The following LRBA variants were observed in gnomAD, a reference collection of about 807,000 sequenced individuals.
LRBA encodes lipopolysaccharide-responsive and beige-like anchor protein.
In LRBA, 176 loss-of-function variants were observed where a neutral mutation model predicts 330.0. The ratio of observed to expected loss-of-function variants is 0.53; its 90% confidence interval spans 0.47 to 0.60. The LOEUF (loss-of-function observed/expected upper bound fraction) is 0.60, where lower values mean the gene tolerates loss of function less well. Among genes scored for constraint, LRBA ranks in the 20% least tolerant of loss-of-function variants. The pLI, the probability that LRBA is intolerant of heterozygous loss-of-function variation, is 0.00. For missense variants in LRBA, 3,259 were observed against 3,444.8 expected (o/e 0.95, Z 1.35); for synonymous variants, 1,230 against 1,193.0 (o/e 1.03, Z -0.64).
intron 43 of LRBA, among the ~76,000 whole-genome samples, chr4:150,470,072 A>G (rs1755904498): frequency 6.6e-6 from 1 of 152,084 alleles, no homozygotes; most frequent in Admixed American, 6.6e-5. Flanking sequence ...AATCCCAGCT[A>G]CTTGGGAGGC....
At chr4:150,775,452 AACACACAC>A (rs200525703) in intron 34 of LRBA, among the ~76,000 whole-genome samples, 2,477 of 33,840 alleles carry the variant, frequency 0.073, 77 homozygotes, top group Admixed American at 0.25. Context: ...TCTGCAATGG[AACACACAC>A]ACACACACAC....
intron 40 of LRBA, among the ~76,000 whole-genome samples, chr4:150,544,776 A>T (rs1376194431): frequency 6.6e-6 from 1 of 152,216 alleles, no homozygotes; most frequent in Non-Finnish European, 1.5e-5. Context: ...GGGCTTACAT[A>T]TATCAAATTA....
Position 150,872,774 on chromosome 4 carries a change from A to G in LRBA, c.2166-19T>C, listed in dbSNP as rs1441669937. The G allele has an allele frequency of 3.9e-6, 5 of 1,292,190 alleles. No individual in the cohort carries two copies. The Admixed American group carries it at 9.5e-5, about 24-fold the overall frequency. The allele number at this position is 1,292,190 out of a possible 1,614,324, so 80.0% of individuals were successfully genotyped here. A position where few individuals can be genotyped will look rare whatever the true frequency, so the allele number is the denominator to read the frequency against. ...GATAACACTGAATGAATAAAAATTT[A>G]AAACAAACTATTTTGAGTATAATTT... On this transcript the variant is annotated intron_variant, in intron 17 of 56. Transcript: ENST00000651943.
chr4:150,265,669 C>A lies in LRBA; in HGVS notation c.*53G>T. 8.9e-7 allele frequency: 1 copy of A among 1,118,856 alleles called. No homozygotes were observed. Among genetic ancestry groups the A allele is most frequent in the Non-Finnish European group, 1.4e-6 (1 of 728,730 alleles). 69.3% of individuals were successfully genotyped at this position (1,118,856 alleles called of 1,614,324 possible). A position where few individuals can be genotyped will look rare whatever the true frequency, so the allele number is the denominator to read the frequency against. On this transcript the variant is annotated 3_prime_UTR_variant, in exon 57 of 57. Transcript: ENST00000651943. ...TCAGATGTGGTAGAAGAGAATGATG[C>A]TCCAGGTACTTCTGCTCATCCTAGG...
chr4:150,371,182 ATTTTTTTTTTTTTT>A (rs70937395), intron 47 of LRBA, among the ~76,000 whole-genome samples: 16 of 91,926 alleles, frequency 1.7e-4, no homozygotes, highest in African/African-American at 6.2e-4. Context: ...AAGCTACTAA[ATTTTTTTTTTTTTT>A]TTTTTTTTTT....
At chr4:150,389,007 T>C (rs1743487472) in intron 47 of LRBA, among the ~76,000 whole-genome samples, 1 of 152,100 alleles carries the variant, frequency 6.6e-6, no homozygotes, top group African/African-American at 2.4e-5. Flanking sequence ...TGTGACACTA[T>C]AATTATTGAA....
intron 2 of LRBA, among the ~76,000 whole-genome samples, chr4:150,966,678 T>C (rs1738941202): frequency 6.6e-6 from 1 of 152,152 alleles, no homozygotes; most frequent in African/African-American, 2.4e-5. Context: ...CAGGATGCTT[T>C]CTAGATAATT....
intron 42 of LRBA, among the ~76,000 whole-genome samples, chr4:150,473,608 G>A (rs990370644): frequency 2.0e-5 from 3 of 152,134 alleles, no homozygotes; most frequent in Non-Finnish European, 4.4e-5. Flanking sequence ...TTGGATAGCA[G>A]GAGCTCTTGG....
At chr4:150,894,828 T>C (rs1044749069) in intron 16 of LRBA, among the ~76,000 whole-genome samples, 2 of 152,176 alleles carry the variant, frequency 1.3e-5, no homozygotes, top group African/African-American at 2.4e-5. Context: ...AAATCACATA[T>C]ATAGATCACT....
intron 40 of LRBA, among the ~76,000 whole-genome samples, chr4:150,526,257 A>G (rs918774442): frequency 6.6e-6 from 1 of 152,174 alleles, no homozygotes; most frequent in African/African-American, 2.4e-5. Context: ...AGAAATTATA[A>G]TGGCTGTTTT....
At chr4:150,893,371 G>T (rs956209203) in intron 16 of LRBA, among the ~76,000 whole-genome samples, 3 of 151,938 alleles carry the variant, frequency 2.0e-5, no homozygotes, top group Non-Finnish European at 2.9e-5. Context: ...TGTGCGGGGG[G>T]GCAGAGTCTC....
intron 55 of LRBA, 104 bp from the exon 56 acceptor site, chr4:150,278,108 AAGAG>A (rs765925414): frequency 5.3e-6 from 5 of 937,772 alleles, no homozygotes; most frequent in African/African-American, 3.3e-5. Flanking sequence ...GTGCAGAGAG[AAGAG>A]AGAGAGATCC....
At chr4:150,656,289 C>CA (rs1376499484) in intron 37 of LRBA, among the ~76,000 whole-genome samples, 38 of 152,304 alleles carry the variant, frequency 2.5e-4, no homozygotes, top group African/African-American at 8.2e-4. Context: ...TGATTTTAAT[C>CA]CAGTAGCAAA....
chr4:150,320,032 C>T (rs1000355353), intron 50 of LRBA, among the ~76,000 whole-genome samples: 4 of 152,074 alleles, frequency 2.6e-5, no homozygotes, highest in Non-Finnish European at 5.9e-5. Flanking sequence ...AGTCTATAAT[C>T]TCCAGAAGTT....
intron 36 of LRBA, among the ~76,000 whole-genome samples, chr4:150,690,297 A>T (rs191789149): frequency 4.4e-4 from 67 of 152,170 alleles, no homozygotes; most frequent in African/African-American, 1.5e-3. Flanking sequence ...AGGTCAGGAG[A>T]TCGAGACCAC....
Position 150,424,004 on chromosome 4 carries a change from T to C in LRBA, c.7042-8414A>G, listed in dbSNP as rs140026676. ...GCTTTAGGGAAAAGATTGTAATACA[T>C]TGTATTTCGCTAACACAGAACTCAT... On this transcript the variant is annotated intron_variant, in intron 46 of 56. Coordinates refer to ENST00000651943, the MANE Select transcript of LRBA (RefSeq NM_001364905.1). Among the ~76,000 whole-genome samples, 98 of 152,316 alleles carry C rather than the reference T, an allele frequency of 6.4e-4. No individual in the cohort carries two copies. In the East Asian group the frequency reaches 0.016, roughly 25 times the overall value.
At chr4:150,522,742 C>T (rs888593097) in intron 40 of LRBA, among the ~76,000 whole-genome samples, 6 of 152,238 alleles carry the variant, frequency 3.9e-5, no homozygotes. Context: ...GCCTCAGTAG[C>T]ATCCATGTGG....
At chr4:151,002,569 G>GAAAA (rs767161173) in intron 2 of LRBA, among the ~76,000 whole-genome samples, 1 of 53,734 alleles carries the variant, frequency 1.9e-5, no homozygotes, top group African/African-American at 7.4e-5. Flanking sequence ...CCATCTCTCA[G>GAAAA]AAAAAAAAAA....
chr4:150,532,999 T>C (rs1388067444), intron 40 of LRBA, among the ~76,000 whole-genome samples: 3 of 152,124 alleles, frequency 2.0e-5, no homozygotes, highest in Non-Finnish European at 4.4e-5. Context: ...ACCAACTAAC[T>C]AAAAACTAGA....
Sources: gnomAD v4.1 joint callset for allele counts (sites outside exome capture counted in the v4.1 genomes callset) on GRCh38, gnomAD v4.1.1 for gene constraint, MANE v1.5 for transcripts, NCBI Gene and HGNC (gene_info 2026-07-23, HGNC 2026-07-21) for gene names.